Variants in NXPH1 observed in about 807,000 individuals in gnomAD.
NXPH1 encodes the protein neurexophilin 1.
A neutral mutation model predicts 23.7 loss-of-function variants in NXPH1; 5 were observed. The ratio of observed to expected loss-of-function variants is 0.21; its 90% CI spans 0.11 to 0.44. The LOEUF (loss-of-function observed/expected upper bound fraction) is 0.44, where lower values mean the gene tolerates loss of function less well. Ranked by LOEUF, NXPH1 falls within the 20% of genes least tolerant of loss-of-function variation. NXPH1 has a pLI of 0.99. For missense variants in NXPH1, 324 were observed against 321.6 expected (o/e 1.01, Z -0.06); for synonymous variants, 144 against 122.2 (o/e 1.18, Z -1.18).
intron 2 of NXPH1, among the ~76,000 whole-genome samples, chr7:8,451,061 C>T (rs1278916339): frequency 6.6e-6 from 1 of 150,568 alleles, no homozygotes; most frequent in African/African-American, 2.4e-5. Context: ...TCTGGATGAA[C>T]ATCTGCACTG....
At chr7:8,527,040 G>T (rs1432835424) in intron 2 of NXPH1, among the ~76,000 whole-genome samples, 1 of 88,112 alleles carries the variant, frequency 1.1e-5, no homozygotes, top group African/African-American at 4.1e-5. Context: ...AGCAGAATTT[G>T]CCCCTTACCA....
chr7:8,492,045 T>C (rs920263504), intron 2 of NXPH1, among the ~76,000 whole-genome samples: 3 of 152,028 alleles, frequency 2.0e-5, no homozygotes, highest in Non-Finnish European at 4.4e-5. Flanking sequence ...TCGATCTTTT[T>C]CTGTGAATGT....
In NXPH1 at chr7:8,752,305, C is replaced by T. The variant is rs1780579325; in HGVS notation, c.*536C>T. ...TGCTTGTTAAAATGGAAAAATGTGT[C>T]TTTAGAGCTCAGTATTCTTTATTTT... On this transcript the variant is annotated 3_prime_UTR_variant, in exon 3 of 3. Coordinates refer to ENST00000405863, the MANE Select transcript of NXPH1 (RefSeq NM_152745.3). 6.5e-6 allele frequency: 1 copy of T among 153,730 alleles called. No individual in the cohort carries two copies. The allele number at this position is 153,730 out of a possible 1,614,324, so 9.5% of individuals were successfully genotyped here.
At chr7:8,565,324 C>T (rs1818521626) in intron 2 of NXPH1, among the ~76,000 whole-genome samples, 1 of 151,696 alleles carries the variant, frequency 6.6e-6, no homozygotes, top group Non-Finnish European at 1.5e-5. Flanking sequence ...TTGTCTTATA[C>T]CCATATTTTA....
intron 2 of NXPH1, among the ~76,000 whole-genome samples, chr7:8,491,679 C>T (rs1817250617): frequency 6.6e-6 from 1 of 152,044 alleles, no homozygotes; most frequent in Non-Finnish European, 1.5e-5. Context: ...TTAAATCCTG[C>T]TGATAGGTAC....
chr7:8,443,700 C>T (rs1356054543), intron 2 of NXPH1, among the ~76,000 whole-genome samples: 1 of 152,208 alleles, frequency 6.6e-6, no homozygotes, highest in Non-Finnish European at 1.5e-5. Flanking sequence ...GTTCCTGGCT[C>T]GCCTTTAATG....
chr7:8,553,651 T>C (rs1026300328), intron 2 of NXPH1, among the ~76,000 whole-genome samples: 4 of 151,616 alleles, frequency 2.6e-5, no homozygotes, highest in Non-Finnish European at 5.9e-5. Context: ...TCTAGTTTCA[T>C]CTATCCACCC....
intron 2 of NXPH1, among the ~76,000 whole-genome samples, chr7:8,533,441 C>G (rs918437438): frequency 2.0e-5 from 3 of 152,020 alleles, no homozygotes; most frequent in Non-Finnish European, 4.4e-5. Flanking sequence ...GTCTCCCTCC[C>G]CTATAAAGAT....
intron 2 of NXPH1, 64 bp from the exon 3 acceptor site, chr7:8,750,944 C>G (rs906454553): frequency 2.0e-6 from 3 of 1,473,590 alleles, no homozygotes; most frequent in Admixed American, 1.8e-5. Context: ...AGGCTTAGAT[C>G]TATGCATTGG....
intron 2 of NXPH1, among the ~76,000 whole-genome samples, chr7:8,594,356 G>T (rs1263318638): frequency 6.6e-6 from 1 of 152,050 alleles, no homozygotes; most frequent in African/African-American, 2.4e-5. Flanking sequence ...GTATGTCATT[G>T]TTGACGATGG....
At chr7:8,674,052 G>T (rs796419740) in intron 2 of NXPH1, among the ~76,000 whole-genome samples, 14 of 152,032 alleles carry the variant, frequency 9.2e-5, no homozygotes, top group African/African-American at 2.7e-4. Context: ...TACAGTATTG[G>T]AGTTGTGCCT....
At chr7:8,634,049 T>C (rs1435331906) in intron 2 of NXPH1, among the ~76,000 whole-genome samples, 1 of 152,166 alleles carries the variant, frequency 6.6e-6, no homozygotes, top group African/African-American at 2.4e-5. Flanking sequence ...GAGTCTGATG[T>C]GAGGCTGAAA....
At chr7:8,535,341 AT>A (rs1397740564) in intron 2 of NXPH1, among the ~76,000 whole-genome samples, 1 of 152,082 alleles carries the variant, frequency 6.6e-6, no homozygotes, top group Non-Finnish European at 1.5e-5. Flanking sequence ...TTCATTTGGG[AT>A]TTTTTGAAAA....
intron 2 of NXPH1, among the ~76,000 whole-genome samples, chr7:8,475,228 C>T (rs1278919578): frequency 6.6e-6 from 1 of 152,090 alleles, no homozygotes; most frequent in Non-Finnish European, 1.5e-5. Context: ...GATTCCCAAT[C>T]TGGCCTGTCC....
At position 8,437,881 on chromosome 7, in the gene NXPH1, A is replaced by G. The variant is rs533376707; in HGVS notation, c.54+2114A>G. Reference sequence around the variant, plus strand: ...GAGACAATTTTTCCAATTTCACTCAAAACAATACGAAATGTGAACAATAAA... The same window carrying G: ...GAGACAATTTTTCCAATTTCACTCAGAACAATACGAAATGTGAACAATAAA... On this transcript the variant is annotated intron_variant, in intron 2 of 2. Coordinates refer to ENST00000405863, the MANE Select transcript of NXPH1 (RefSeq NM_152745.3). 2.6e-5 allele frequency among the ~76,000 whole-genome samples: 4 copies of G among 152,390 alleles called. No homozygotes were observed. In the South Asian group the frequency reaches 8.3e-4, roughly 32 times the overall value.
At chr7:8,533,623 T>C (rs1187330713) in intron 2 of NXPH1, among the ~76,000 whole-genome samples, 3 of 152,164 alleles carry the variant, frequency 2.0e-5, no homozygotes, top group Non-Finnish European at 2.9e-5. Flanking sequence ...CTCTTTACAT[T>C]TTCTGCTTTT....
chr7:8,505,071 G>T (rs1314702305), intron 2 of NXPH1, among the ~76,000 whole-genome samples: 1 of 151,906 alleles, frequency 6.6e-6, no homozygotes, highest in Non-Finnish European at 1.5e-5. Flanking sequence ...ACACAGTAGG[G>T]GATCAAATTT....
At chr7:8,596,570 G>A (rs1819228588) in intron 2 of NXPH1, among the ~76,000 whole-genome samples, 1 of 152,056 alleles carries the variant, frequency 6.6e-6, no homozygotes, top group Non-Finnish European at 1.5e-5. Flanking sequence ...AAAGATGGGT[G>A]TCATTTACCT....
chr7:8,641,903 T>C (rs1046587961), intron 2 of NXPH1, among the ~76,000 whole-genome samples: 1 of 152,218 alleles, frequency 6.6e-6, no homozygotes, highest in African/African-American at 2.4e-5. Flanking sequence ...ACTCAATGAA[T>C]GTGTGAAACT....
Sources: allele counts gnomAD v4.1 joint callset (sites outside exome capture counted in the v4.1 genomes callset), GRCh38; gene constraint gnomAD v4.1.1; transcripts MANE v1.5; gene names NCBI Gene and HGNC (gene_info 2026-07-23, HGNC 2026-07-21).